ENOX1: variants seen among roughly 807,000 people sequenced by gnomAD.
The protein encoded by ENOX1 is ecto-NOX disulfide-thiol exchanger 1.
Under a neutral mutation model 82.5 loss-of-function variants are expected in ENOX1, and 42 were observed. That is an observed-to-expected ratio of 0.51 (90% CI 0.40 to 0.66). ENOX1 has a LOEUF of 0.66. Among genes scored for constraint, ENOX1 ranks in the 30% least tolerant of loss-of-function variants. The pLI is 0.00. For missense variants in ENOX1, 608 were observed against 811.6 expected, an observed-to-expected ratio of 0.75 and a Z score of 3.05; for synonymous variants, 271 against 282.2, an observed-to-expected ratio of 0.96 and a Z score of 0.40.
intron 3 of ENOX1, among the ~76,000 whole-genome samples, chr13:43,450,141 C>G (rs1315452091): frequency 6.6e-6 from 1 of 152,176 alleles, no homozygotes; most frequent in East Asian, 1.9e-4. Flanking sequence ...GTGGTTATCC[C>G]TGATCATCTT....
chr13:43,558,034 G>A (rs1186304731), intron 2 of ENOX1, among the ~76,000 whole-genome samples: 1 of 152,138 alleles, frequency 6.6e-6, no homozygotes, highest in Non-Finnish European at 1.5e-5. Flanking sequence ...AGAGGACTTA[G>A]AGGGGTCCCA....
At chr13:43,531,395 A>G (rs1272345535) in intron 2 of ENOX1, among the ~76,000 whole-genome samples, 1 of 151,848 alleles carries the variant, frequency 6.6e-6, no homozygotes, top group Admixed American at 6.6e-5. Context: ...CACCAGTTAG[A>G]ATGGTGATCA....
chr13:43,245,158 G>A (rs1052519035), intron 14 of ENOX1, among the ~76,000 whole-genome samples: 24 of 152,136 alleles, frequency 1.6e-4, no homozygotes, highest in African/African-American at 5.5e-4. Context: ...CTCAAACAAT[G>A]GCCTGGAATA....
At chr13:43,477,431 T>C (rs1252933341) in intron 3 of ENOX1, among the ~76,000 whole-genome samples, 1 of 152,092 alleles carries the variant, frequency 6.6e-6, no homozygotes, top group Non-Finnish European at 1.5e-5. Context: ...GCTGTAGAAA[T>C]TGAGACAATT....
chr13:43,326,647 C>A, intron 9 of ENOX1, 122 bp from the exon 10 acceptor site: 1 of 801,902 alleles, frequency 1.2e-6, no homozygotes, highest in East Asian at 2.5e-5. Flanking sequence ...TCATCAATAT[C>A]CATCCAATTT....
chr13:43,637,854 A>G (rs189843013), intron 2 of ENOX1, among the ~76,000 whole-genome samples: 101 of 152,338 alleles, frequency 6.6e-4, no homozygotes, highest in Admixed American at 2.4e-3. Context: ...AGGATTTCAC[A>G]AAGTTGAGAA....
chr13:43,439,660 C>CT (rs1282796379), intron 3 of ENOX1, among the ~76,000 whole-genome samples: 3 of 117,436 alleles, frequency 2.6e-5, no homozygotes, highest in South Asian at 3.2e-4. Context: ...CTTATAGCAA[C>CT]TCGTTCTTTA....
intron 9 of ENOX1, 113 bp downstream of exon 9, chr13:43,344,425 G>C: frequency 1.2e-6 from 1 of 841,672 alleles, no homozygotes; most frequent in Non-Finnish European, 1.9e-6. Flanking sequence ...CATTCAATAT[G>C]GAGTAAAAAT....
chr13:43,563,848 A>G (rs546074795), intron 2 of ENOX1, among the ~76,000 whole-genome samples: 1 of 152,136 alleles, frequency 6.6e-6, no homozygotes, highest in Non-Finnish European at 1.5e-5. Flanking sequence ...TGGAGCCATA[A>G]TAAAAGGTCT....
intron 2 of ENOX1, among the ~76,000 whole-genome samples, chr13:43,585,177 A>G (rs999766868): frequency 3.3e-5 from 5 of 152,208 alleles, no homozygotes; most frequent in African/African-American, 1.2e-4. Flanking sequence ...GCTTAATGTG[A>G]GAAAGACTTG....
chr13:43,318,402 T>C (rs2047631062), intron 11 of ENOX1, among the ~76,000 whole-genome samples: 1 of 152,222 alleles, frequency 6.6e-6, no homozygotes, highest in African/African-American at 2.4e-5. Context: ...ACCCTGTATC[T>C]AACTAACTCT....
chr13:43,518,389 C>T (rs1475328625), intron 2 of ENOX1, among the ~76,000 whole-genome samples: 1 of 152,018 alleles, frequency 6.6e-6, no homozygotes, highest in Admixed American at 6.6e-5. Flanking sequence ...CAAGCAGACA[C>T]AGCACAGGTA....
chr13:43,458,126 A>G (rs986738555), intron 3 of ENOX1, among the ~76,000 whole-genome samples: 1 of 152,230 alleles, frequency 6.6e-6, no homozygotes, highest in Non-Finnish European at 1.5e-5. Context: ...TAAAAAAGTT[A>G]ACTATGTTGT....
At chr13:43,611,051 A>G (rs1002925796) in intron 2 of ENOX1, among the ~76,000 whole-genome samples, 1 of 152,188 alleles carries the variant, frequency 6.6e-6, no homozygotes, top group Non-Finnish European at 1.5e-5. Context: ...TAGTTCAATA[A>G]TGGCAGCAAC....
chr13:43,676,123 C>G (rs17599766), intron 1 of ENOX1, among the ~76,000 whole-genome samples: 4,236 of 152,232 alleles, frequency 0.028, 218 homozygotes, highest in East Asian at 0.24. Flanking sequence ...CACTCATGCC[C>G]AGGAATCACA....
At chr13:43,226,707 C>G (rs542472393) in intron 15 of ENOX1, among the ~76,000 whole-genome samples, 6 of 152,256 alleles carry the variant, frequency 3.9e-5, no homozygotes, top group African/African-American at 1.4e-4. Flanking sequence ...AAGGAAGAGT[C>G]AGCTTTGGCT....
chr13:43,348,021 C>T (rs978128801), intron 8 of ENOX1, among the ~76,000 whole-genome samples: 5 of 152,140 alleles, frequency 3.3e-5, no homozygotes, highest in East Asian at 1.9e-4. Context: ...CCCTTCCATC[C>T]GTCCGTCCCC....
chr13:43,369,973 A>C (rs1242540843), intron 5 of ENOX1, among the ~76,000 whole-genome samples: 2 of 152,142 alleles, frequency 1.3e-5, no homozygotes, highest in Non-Finnish European at 2.9e-5. Flanking sequence ...TGCTCTCACC[A>C]CAGCATTATT....
At chr13:43,726,644 G>A (rs746435595) in intron 1 of ENOX1, among the ~76,000 whole-genome samples, 2 of 152,026 alleles carry the variant, frequency 1.3e-5, no homozygotes, top group East Asian at 1.9e-4. Context: ...AATTGGCCTC[G>A]ATGGGCAACG....
Sources: allele counts gnomAD v4.1 joint callset (sites outside exome capture counted in the v4.1 genomes callset), GRCh38; gene constraint gnomAD v4.1.1; transcripts MANE v1.5; gene names NCBI Gene and HGNC (gene_info 2026-07-23, HGNC 2026-07-21).